Variants in SBF2 observed in about 807,000 individuals in gnomAD.
The protein encoded by SBF2 is myotubularin-related protein 13.
A neutral mutation model predicts 225.2 loss-of-function variants in SBF2; 112 were observed. The ratio of observed to expected loss-of-function variants is 0.50; its 90% confidence interval spans 0.43 to 0.58. SBF2 has a LOEUF of 0.58. SBF2 is among the 20% of genes least tolerant of loss of function. The probability of loss-of-function intolerance (pLI) is 0.00; values close to 1 mark genes in which losing one functional copy is unlikely to be tolerated. For synonymous variants in SBF2, 763 were observed against 773.3 expected (o/e 0.99, Z 0.22); for missense variants, 1,996 against 2,206.2 (o/e 0.90, Z 1.91).
chr11:9,813,448 C>T (rs1433382611), intron 29 of SBF2, among the ~76,000 whole-genome samples: 1 of 152,148 alleles, frequency 6.6e-6, no homozygotes, highest in Admixed American at 6.5e-5. Context: ...CTGCCTCAGC[C>T]TCCCGAGTAG....
At chr11:10,256,383 A>C (rs1010196871) in intron 1 of SBF2, among the ~76,000 whole-genome samples, 1 of 152,216 alleles carries the variant, frequency 6.6e-6, no homozygotes, top group African/African-American at 2.4e-5. Context: ...TAAGAAAGAT[A>C]AGATTGATTT....
chr11:9,934,171 T>G (rs183957073), intron 16 of SBF2, among the ~76,000 whole-genome samples: 14 of 152,288 alleles, frequency 9.2e-5, no homozygotes, highest in Admixed American at 8.5e-4. Context: ...CAGAGAATAC[T>G]ATAAACACCT....
At chr11:9,853,951 C>T (rs952797610) in intron 19 of SBF2, among the ~76,000 whole-genome samples, 1 of 152,126 alleles carries the variant, frequency 6.6e-6, no homozygotes, top group Non-Finnish European at 1.5e-5. Context: ...TGTTTGGACC[C>T]AGATTTGTTT....
At chr11:10,182,876 T>C (rs1343302802) in intron 2 of SBF2, among the ~76,000 whole-genome samples, 1 of 151,992 alleles carries the variant, frequency 6.6e-6, no homozygotes, top group East Asian at 1.9e-4. Flanking sequence ...TGGGTTCAAG[T>C]GATTCTCCCG....
intron 13 of SBF2, among the ~76,000 whole-genome samples, chr11:9,989,059 T>C (rs1265358344): frequency 1.3e-5 from 2 of 151,386 alleles, no homozygotes; most frequent in East Asian, 1.9e-4. Context: ...TATATATACA[T>C]ATGCATACAT....
rs189706991 is a variant in SBF2 at position 10,277,104 on chromosome 11, G to A, written c.55+16911C>T. On this transcript the variant is annotated intron_variant, in intron 1 of 39. Transcript: ENST00000256190. Reference sequence around the variant, plus strand: ...AAAAAGATAGTGCCACTGCACTCCTGCCTGGGCAACAGAGCGAGACCCCAT... The same window carrying A: ...AAAAAGATAGTGCCACTGCACTCCTACCTGGGCAACAGAGCGAGACCCCAT... Among the ~76,000 whole-genome samples the A allele has an allele frequency of 3.0e-3, 386 of 130,410 alleles. 1 individual carries two copies. Among genetic ancestry groups the A allele is most frequent in the Non-Finnish European group, 3.9e-3 (255 of 64,956 alleles). 85.6% of individuals were successfully genotyped at this position (130,410 alleles called of 152,430 possible).
chr11:10,017,626 G>T (rs1373372874), intron 6 of SBF2, among the ~76,000 whole-genome samples: 1 of 152,058 alleles, frequency 6.6e-6, no homozygotes, highest in Non-Finnish European at 1.5e-5. Context: ...GATAGATATG[G>T]CAAGTATTCT....
chr11:9,844,358 A>T (rs1224214287), intron 24 of SBF2, among the ~76,000 whole-genome samples: 1 of 152,186 alleles, frequency 6.6e-6, no homozygotes, highest in Non-Finnish European at 1.5e-5. Flanking sequence ...CCTCTTTTCC[A>T]AAGTCTGCAA....
chr11:10,059,853 C>T (rs574837787), intron 2 of SBF2, among the ~76,000 whole-genome samples: 2 of 152,004 alleles, frequency 1.3e-5, no homozygotes, highest in African/African-American at 2.4e-5. Context: ...ATACAACATA[C>T]CAGAATCTCT....
chr11:9,841,996 T>C (rs554875397), intron 25 of SBF2, among the ~76,000 whole-genome samples: 1 of 152,340 alleles, frequency 6.6e-6, no homozygotes, highest in African/African-American at 2.4e-5. Context: ...AAGGGTGTAA[T>C]GGCATTCTGC....
intron 2 of SBF2, among the ~76,000 whole-genome samples, chr11:10,054,027 T>TAATG (rs1315930967): frequency 6.6e-6 from 1 of 152,132 alleles, no homozygotes; most frequent in African/African-American, 2.4e-5. Context: ...TTTTACAGAA[T>TAATG]AATGCATGTC....
chr11:9,889,060 C>T (rs561672200), intron 17 of SBF2, among the ~76,000 whole-genome samples: 6 of 152,290 alleles, frequency 3.9e-5, no homozygotes, highest in African/African-American at 1.4e-4. Flanking sequence ...CAGGCTTTGA[C>T]ATGAAAAACA....
intron 17 of SBF2, among the ~76,000 whole-genome samples, chr11:9,886,697 G>A (rs866834694): frequency 5.2e-5 from 3 of 57,614 alleles, no homozygotes; most frequent in African/African-American, 1.6e-4. Flanking sequence ...AGTGATTCAT[G>A]TGTTTTTTTT....
rs547881536 is a variant in SBF2, at chr11:10,258,184, A to T, written c.55+35831T>A. 6.0e-5 allele frequency among the ~76,000 whole-genome samples: 9 copies of T among 150,672 alleles called. No individual in the cohort carries two copies. In the East Asian group the frequency reaches 1.8e-3, roughly 29 times the overall value. On this transcript the variant is annotated intron_variant, in intron 1 of 39. Coordinates refer to ENST00000256190, the MANE Select transcript of SBF2 (RefSeq NM_030962.4). ...GAGTGGTGCGATCAAACCTCATTGC[A>T]TCCTCAAACTCCTGGGCTTAAGCAA...
At chr11:10,204,395 C>A (rs1165293159) in intron 1 of SBF2, among the ~76,000 whole-genome samples, 1 of 151,910 alleles carries the variant, frequency 6.6e-6, no homozygotes, top group African/African-American at 2.4e-5. Flanking sequence ...TTACCCAGCA[C>A]TTTGGGAGGC....
chr11:9,900,892 G>C (rs760999638), intron 16 of SBF2, among the ~76,000 whole-genome samples: 1 of 151,870 alleles, frequency 6.6e-6, no homozygotes. Context: ...ACGCATCACC[G>C]CACCCAGCTA....
chr11:9,858,532 G>A (rs1291242183), intron 17 of SBF2, 136 bp from the exon 18 acceptor site: 7 of 876,472 alleles, frequency 8.0e-6, no homozygotes, highest in Non-Finnish European at 3.5e-6. Flanking sequence ...TACAGGCTTA[G>A]CAATCAGCAA....
intron 1 of SBF2, among the ~76,000 whole-genome samples, chr11:10,222,460 C>T (rs1424436544): frequency 2.0e-5 from 3 of 152,104 alleles, no homozygotes; most frequent in African/African-American, 7.2e-5. Flanking sequence ...AGTAGAAATT[C>T]TAGATCTGAA....
At chr11:9,939,166 G>A (rs943408459) in intron 16 of SBF2, among the ~76,000 whole-genome samples, 1 of 152,072 alleles carries the variant, frequency 6.6e-6, no homozygotes, top group Non-Finnish European at 1.5e-5. Context: ...TGCGATCTCG[G>A]CTCACTGCAA....
Sources: gnomAD v4.1 joint callset for allele counts (sites outside exome capture counted in the v4.1 genomes callset) on GRCh38, gnomAD v4.1.1 for gene constraint, MANE v1.5 for transcripts, NCBI Gene and HGNC (gene_info 2026-07-23, HGNC 2026-07-21) for gene names.